Variants in USP10 observed in about 807,000 individuals in gnomAD.
The protein encoded by USP10 is ubiquitin carboxyl-terminal hydrolase 10.
Under a neutral mutation model 84.5 loss-of-function variants are expected in USP10, and 22 were observed. The ratio of observed to expected loss-of-function variants is 0.26; its 90% CI spans 0.19 to 0.37. The LOEUF (loss-of-function observed/expected upper bound fraction) is 0.37. USP10 is among the 10% of genes least tolerant of loss of function. The pLI is 1.00. For synonymous variants in USP10, 454 were observed against 387.6 expected (o/e 1.17, Z -2.01); for missense variants, 1,019 against 998.9 (o/e 1.02, Z -0.27).
chr16:84,743,401 A>C (rs533630543), intron 3 of USP10, among the ~76,000 whole-genome samples: 1 of 152,050 alleles, frequency 6.6e-6, no homozygotes, highest in Non-Finnish European at 1.5e-5. Flanking sequence ...CCTCCTGCAC[A>C]CTCACTTGCA....
chr16:84,729,021 C>T (rs981959346), intron 1 of USP10, among the ~76,000 whole-genome samples: 4 of 151,996 alleles, frequency 2.6e-5, no homozygotes, highest in Admixed American at 6.6e-5. Flanking sequence ...TGGTCTTGAA[C>T]TCCTGAAGTC....
At chr16:84,764,385 C>T in intron 10 of USP10, 122 bp downstream of exon 10, 2 of 1,315,946 alleles carry the variant, frequency 1.5e-6, no homozygotes, top group South Asian at 1.2e-5. Context: ...CATCTTGCTC[C>T]CCTGCCTGCT....
chr16:84,735,363 C>T (rs1272258747), intron 2 of USP10, among the ~76,000 whole-genome samples: 2 of 152,006 alleles, frequency 1.3e-5, no homozygotes, highest in Non-Finnish European at 2.9e-5. Flanking sequence ...TACCTGTTTG[C>T]AAGTGAGTAG....
At chr16:84,750,930 C>G (rs1349633886) in intron 4 of USP10, among the ~76,000 whole-genome samples, 3 of 152,052 alleles carry the variant, frequency 2.0e-5, no homozygotes, top group Non-Finnish European at 2.9e-5. Flanking sequence ...GGTTTTATAC[C>G]TAAAAGGCAT....
intron 1 of USP10, chr16:84,716,309 A>C (rs1179293969): frequency 6.6e-6 from 1 of 152,016 alleles, no homozygotes; most frequent in Non-Finnish European, 1.5e-5. Flanking sequence ...TTGTTCCTTA[A>C]CTGTTAATGT....
chr16:84,748,854 A>G (rs1911563044), intron 4 of USP10, among the ~76,000 whole-genome samples: 1 of 152,216 alleles, frequency 6.6e-6, no homozygotes, highest in Non-Finnish European at 1.5e-5. Context: ...CTGGTAGTAG[A>G]GGAAAGCCTT....
At chr16:84,712,359 C>T (rs1056996171) in intron 1 of USP10, among the ~76,000 whole-genome samples, 3 of 152,190 alleles carry the variant, frequency 2.0e-5, no homozygotes, top group Non-Finnish European at 2.9e-5. Context: ...GAAGCAGCCG[C>T]TGGCCTGGCT....
At chr16:84,775,000 C>T (rs552238215) in intron 12 of USP10, among the ~76,000 whole-genome samples, 160 bp from the exon 13 acceptor site, 9 of 152,264 alleles carry the variant, frequency 5.9e-5, no homozygotes, top group African/African-American at 2.2e-4. Flanking sequence ...TCATTTCCTT[C>T]ATGAGTCAAT....
In USP10 at chr16:84,779,311, G is replaced by C; in HGVS notation, c.*229G>C. 1 of 414,694 alleles carries C rather than the reference G, an allele frequency of 2.4e-6. No individual in the cohort carries two copies. The highest frequency in any genetic ancestry group is 4.3e-6 in the Non-Finnish European group (1 of 234,130). 25.7% of individuals were successfully genotyped at this position (414,694 alleles called of 1,614,324 possible). A position where few individuals can be genotyped will look rare whatever the true frequency, so the allele number is the denominator to read the frequency against. On this transcript the variant is annotated 3_prime_UTR_variant, in exon 14 of 14. Transcript: ENST00000219473. The stretch of plus-strand genomic sequence containing the variant: ...TGAAACAGACTGTTGCTTGATTTTA[G>C]AAAATACACAAAAACCCATATTTCT...
rs544790014 is a variant in USP10, at chr16:84,770,347, C to T, written c.1998+1989C>T. Among the ~76,000 whole-genome samples, 8 of 152,154 alleles carry T rather than the reference C, an allele frequency of 5.3e-5. No individual in the cohort carries two copies. The South Asian group carries it at 1.7e-3, about 32-fold the overall frequency. On this transcript the variant is annotated intron_variant, in intron 11 of 13. Coordinates refer to ENST00000219473, the MANE Select transcript of USP10 (RefSeq NM_005153.3). ...GTTTTTTTTTAAGTTTTTAAAATGCCACCTTTAACTTTATTATGTTTTAGA... is the reference window on the plus strand; with the variant it reads ...GTTTTTTTTTAAGTTTTTAAAATGCTACCTTTAACTTTATTATGTTTTAGA...
chr16:84,767,645 G>A (rs1914007036), intron 10 of USP10, among the ~76,000 whole-genome samples: 8 of 152,184 alleles, frequency 5.3e-5, no homozygotes, highest in Admixed American at 5.2e-4. Flanking sequence ...ATAACAGTGT[G>A]GAGAGGAAGT....
At chr16:84,706,276 C>G (rs917858806) in intron 1 of USP10, among the ~76,000 whole-genome samples, 2 of 151,968 alleles carry the variant, frequency 1.3e-5, no homozygotes, top group African/African-American at 4.8e-5. Context: ...AAATGAAGTT[C>G]AATTCTAGAG....
intron 2 of USP10, among the ~76,000 whole-genome samples, chr16:84,739,843 G>C (rs1910415659): frequency 6.6e-6 from 1 of 152,180 alleles, no homozygotes; most frequent in Non-Finnish European, 1.5e-5. Context: ...GCTTTCCTCT[G>C]CTCTCCGACC....
chr16:84,742,475 C>A (rs1567619894), intron 3 of USP10, among the ~76,000 whole-genome samples: 1 of 152,208 alleles, frequency 6.6e-6, no homozygotes, highest in East Asian at 1.9e-4. Context: ...CTGTATATTT[C>A]CCTCCCTCGC....
At chr16:84,762,519 C>T (rs187830856) in intron 8 of USP10, among the ~76,000 whole-genome samples, 1 of 152,050 alleles carries the variant, frequency 6.6e-6, no homozygotes, top group Admixed American at 6.6e-5. Context: ...GGTGAAACCC[C>T]GTCTCTACTA....
In USP10 at chr16:84,700,018, G is replaced by C; in HGVS notation, c.-73G>C. ...CCGATGCGAGTGTGTATGTGCGGGC[G>C]AGAAGATGGCGGCGGCGGGGGAAGC... is the stretch of plus-strand genomic sequence containing the variant. On this transcript the variant is annotated 5_prime_UTR_variant, in exon 1 of 14. Transcript: ENST00000219473. The C allele has an allele frequency of 1.5e-6, 2 of 1,314,974 alleles. No individual in the cohort carries two copies. Among genetic ancestry groups the C allele is most frequent in the African/African-American group, 1.6e-5 (1 of 63,656 alleles). The allele number at this position is 1,314,974 out of a possible 1,614,324, so 81.5% of individuals were successfully genotyped here. A position where few individuals can be genotyped will look rare whatever the true frequency, so the allele number is the denominator to read the frequency against.
chr16:84,710,267 C>CG (rs908357036), intron 1 of USP10, among the ~76,000 whole-genome samples: 4 of 136,186 alleles, frequency 2.9e-5, no homozygotes, highest in African/African-American at 1.1e-4. Flanking sequence ...GACTCCATCT[C>CG]GGAAAAAAAA....
intron 4 of USP10, among the ~76,000 whole-genome samples, chr16:84,755,710 A>G (rs1912452422): frequency 6.6e-6 from 1 of 151,792 alleles, no homozygotes; most frequent in Non-Finnish European, 1.5e-5. Flanking sequence ...AGGCACAAGA[A>G]TTGCTTGAGA....
chr16:84,751,366 A>AT (rs1214046932), intron 4 of USP10, among the ~76,000 whole-genome samples: 1 of 152,186 alleles, frequency 6.6e-6, no homozygotes, highest in Non-Finnish European at 1.5e-5. Flanking sequence ...AATCATGCAT[A>AT]TATTTCCCCC....
Sources: allele counts gnomAD v4.1 joint callset (sites outside exome capture counted in the v4.1 genomes callset), GRCh38; gene constraint gnomAD v4.1.1; transcripts MANE v1.5; gene names NCBI Gene and HGNC (gene_info 2026-07-23, HGNC 2026-07-21).